Variants in SEMA3E observed in about 807,000 individuals in gnomAD.
SEMA3E encodes semaphorin 3E.
Under a neutral mutation model 93.6 loss-of-function variants are expected in SEMA3E, and 49 were observed. The observed-to-expected ratio is 0.52, with a 90% CI of 0.42 to 0.66. The LOEUF is 0.66. Ranked by LOEUF, SEMA3E falls within the 30% of genes least tolerant of loss-of-function variation. SEMA3E has a pLI of 0.00. For missense variants in SEMA3E, 906 were observed against 964.8 expected, an observed-to-expected ratio of 0.94 and a Z score of 0.81; for synonymous variants, 363 against 330.7, an observed-to-expected ratio of 1.10 and a Z score of -1.06.
chr7:83,381,053 A>G (rs1392966634), intron 16 of SEMA3E, among the ~76,000 whole-genome samples: 3 of 152,134 alleles, frequency 2.0e-5, no homozygotes, highest in South Asian at 2.1e-4. Context: ...TATCACCTCA[A>G]TGACTACCTA....
At chr7:83,597,397 T>A (rs1418667749) in intron 1 of SEMA3E, among the ~76,000 whole-genome samples, 1 of 152,192 alleles carries the variant, frequency 6.6e-6, no homozygotes, top group Non-Finnish European at 1.5e-5. Context: ...AGGGCCTTAG[T>A]GATACTCATT....
At chr7:83,589,036 G>C (rs1419043698) in intron 1 of SEMA3E, among the ~76,000 whole-genome samples, 1 of 152,144 alleles carries the variant, frequency 6.6e-6, no homozygotes, top group Admixed American at 6.5e-5. Context: ...GAATTGGAAA[G>C]GAGAGCTCTC....
intron 1 of SEMA3E, among the ~76,000 whole-genome samples, chr7:83,506,113 G>A (rs952438010): frequency 6.7e-6 from 1 of 149,760 alleles, no homozygotes; most frequent in Non-Finnish European, 1.5e-5. Context: ...TACAAAAAAA[G>A]TAACCAATTT....
chr7:83,474,028 C>T (rs960302590), intron 2 of SEMA3E, among the ~76,000 whole-genome samples: 3 of 148,194 alleles, frequency 2.0e-5, no homozygotes, highest in Middle Eastern at 3.4e-3. Flanking sequence ...GGAGATGAAG[C>T]TTGCAGTGAG....
intron 4 of SEMA3E, among the ~76,000 whole-genome samples, chr7:83,430,550 C>A (rs1340993937): frequency 2.0e-5 from 3 of 152,076 alleles, no homozygotes; most frequent in Non-Finnish European, 4.4e-5. Context: ...AAGCTGGAAA[C>A]CATTGCCCTT....
intron 1 of SEMA3E, among the ~76,000 whole-genome samples, chr7:83,510,763 C>G (rs7796415): frequency 0.13 from 20,506 of 152,078 alleles, 1,727 homozygotes; most frequent in South Asian, 0.24. Flanking sequence ...GCCCTAAAAG[C>G]TACAAAGCAA....
chr7:83,482,568 A>T (rs968567056), intron 2 of SEMA3E, among the ~76,000 whole-genome samples: 3 of 113,696 alleles, frequency 2.6e-5, no homozygotes, highest in Admixed American at 9.1e-5. Flanking sequence ...CCGTCTCAAA[A>T]AAAAAAAAAA....
intron 6 of SEMA3E, 126 bp from the exon 7 acceptor site, chr7:83,407,365 A>G: frequency 1.1e-6 from 1 of 882,706 alleles, no homozygotes; most frequent in Non-Finnish European, 1.7e-6. Context: ...ATAAAGAAAT[A>G]TTTTTCTTGA....
At chr7:83,459,206 G>A (rs2115850191) in intron 4 of SEMA3E, among the ~76,000 whole-genome samples, 1 of 151,800 alleles carries the variant, frequency 6.6e-6, no homozygotes, top group Middle Eastern at 3.4e-3. Context: ...AAAAGATAAA[G>A]CAATTTTAAA....
intron 5 of SEMA3E, among the ~76,000 whole-genome samples, chr7:83,414,334 CAATT>C (rs1335559667): frequency 1.5e-4 from 22 of 144,140 alleles, no homozygotes; most frequent in East Asian, 4.3e-4. Context: ...TAAAAATAAA[CAATT>C]ATTTATTTAA....
chr7:83,539,239 GT>G (rs1232870644), intron 1 of SEMA3E, among the ~76,000 whole-genome samples: 2 of 152,148 alleles, frequency 1.3e-5, no homozygotes, highest in Non-Finnish European at 2.9e-5. Context: ...ACATGCTCTA[GT>G]AAAAATTCCC....
intron 1 of SEMA3E, among the ~76,000 whole-genome samples, chr7:83,566,126 T>C (rs1013945970): frequency 6.6e-6 from 1 of 150,652 alleles, no homozygotes; most frequent in African/African-American, 2.4e-5. Context: ...GCCTCCTGAG[T>C]AGCTGTGACT....
intron 1 of SEMA3E, among the ~76,000 whole-genome samples, chr7:83,549,713 A>G (rs527240283): frequency 1.1e-3 from 167 of 152,176 alleles, no homozygotes; most frequent in African/African-American, 3.9e-3. Context: ...ACTTATTTTC[A>G]TCTTCTGCTA....
chr7:83,516,002 G>A (rs1790919970), intron 1 of SEMA3E, among the ~76,000 whole-genome samples: 1 of 152,102 alleles, frequency 6.6e-6, no homozygotes, highest in Admixed American at 6.6e-5. Flanking sequence ...CCTTGAGCCT[G>A]GGCGACAGAG....
chr7:83,519,855 T>C (rs60323479), intron 1 of SEMA3E, among the ~76,000 whole-genome samples: 18,039 of 152,052 alleles, frequency 0.12, 1,398 homozygotes, highest in South Asian at 0.21. Context: ...GAGGAAACCA[T>C]GAGATGAAGA....
In SEMA3E at chr7:83,405,197, T is replaced by C. The variant is rs545257467; in HGVS notation, c.998+253A>G. ...TGTGTTCTAGATTACAGAGTGAAGATATCAGGATACTGAGCACAGGAGGAT... is the reference window on the plus strand; with the variant it reads ...TGTGTTCTAGATTACAGAGTGAAGACATCAGGATACTGAGCACAGGAGGAT... On this transcript the variant is annotated intron_variant, in intron 9 of 16. Coordinates refer to ENST00000643230, the MANE Select transcript of SEMA3E (RefSeq NM_012431.3). 5.3e-5 allele frequency among the ~76,000 whole-genome samples: 8 copies of C among 152,160 alleles called. No homozygotes were observed. In the East Asian group the frequency reaches 1.2e-3, roughly 22 times the overall value.
chr7:83,627,428 G>T (rs1383686604), intron 1 of SEMA3E, among the ~76,000 whole-genome samples: 1 of 151,976 alleles, frequency 6.6e-6, no homozygotes, highest in East Asian at 1.9e-4. Flanking sequence ...TAGTGAATCT[G>T]GGTGCTCCTC....
intron 1 of SEMA3E, among the ~76,000 whole-genome samples, chr7:83,504,965 A>G (rs1054859407): frequency 3.9e-5 from 6 of 152,152 alleles, no homozygotes; most frequent in African/African-American, 1.2e-4. Flanking sequence ...GTCACTTATC[A>G]TTTGAATATT....
intron 14 of SEMA3E, among the ~76,000 whole-genome samples, chr7:83,387,840 TTATATA>T (rs200545027): frequency 4.0e-4 from 58 of 145,662 alleles, no homozygotes; most frequent in African/African-American, 1.4e-3. Context: ...ATATATAACG[TTATATA>T]TATGTTTATA....
Sources: gnomAD v4.1 joint callset for allele counts (sites outside exome capture counted in the v4.1 genomes callset) on GRCh38, gnomAD v4.1.1 for gene constraint, MANE v1.5 for transcripts, NCBI Gene and HGNC (gene_info 2026-07-23, HGNC 2026-07-21) for gene names.